MICAL3: variants seen among roughly 807,000 people sequenced by gnomAD.
The protein encoded by MICAL3 is [F-actin]-monooxygenase MICAL3.
MICAL3 carries 62 observed loss-of-function variants against 207.4 expected under a neutral mutation model. The ratio of observed to expected loss-of-function variants is 0.30; its 90% CI spans 0.24 to 0.37. The LOEUF (loss-of-function observed/expected upper bound fraction) is 0.37, where lower values mean the gene tolerates loss of function less well. MICAL3 is among the 10% of genes least tolerant of loss of function. The pLI is 1.00. For missense variants in MICAL3, 2,368 were observed against 2,635.6 expected, an observed-to-expected ratio of 0.90 and a Z score of 2.22; for synonymous variants, 1,077 against 1,069.3, an observed-to-expected ratio of 1.01 and a Z score of -0.14.
At position 17,900,906 on chromosome 22, in the gene MICAL3, T is replaced by C. The variant is rs922574021; in HGVS notation, c.783A>G (p.Glu261=). The part of the protein sequence containing the change: ...NRNTTAEAKV[E]EISGVAFIFN... ...ATATAAAAGCCACACCACTGATCTC[T>C]TCCACTTTAGCTTCTGCTGTTGTAT... is the stretch of plus-strand genomic sequence containing the variant. The change falls in exon 6 of 32, where the codon GAA becomes GAG. Residue 261 remains glutamate (E), a synonymous_variant. Transcript: ENST00000441493. The surrounding 1 kb of genome is among the most constrained non-coding windows in gnomAD (Gnocchi z 4.0). 1.4e-5 allele frequency: 23 copies of C among 1,613,886 alleles called. No individual in the cohort carries two copies. Among genetic ancestry groups the C allele is most frequent in the Non-Finnish European group, 1.9e-5 (23 of 1,179,748 alleles).
At chr22:17,872,848 T>C (rs1379225489) in intron 16 of MICAL3, 2 of 1,592,076 alleles carry the variant, frequency 1.3e-6, no homozygotes, top group South Asian at 1.1e-5. Flanking sequence ...TACATCTTTA[T>C]ATACTTCTAT....
intron 29 of MICAL3, among the ~76,000 whole-genome samples, chr22:17,799,527 G>T (rs1164851993): frequency 6.6e-6 from 1 of 152,236 alleles, no homozygotes; most frequent in Non-Finnish European, 1.5e-5. Flanking sequence ...GACCAAATGT[G>T]TTGCTGACTA....
At chr22:17,813,492 C>T (rs117400614) in intron 27 of MICAL3, 2,684 of 152,312 alleles carry the variant, frequency 0.018, 42 homozygotes, top group Non-Finnish European at 0.026. Context: ...ACTTGTGTCC[C>T]GCCTGCCTCA....
chr22:17,979,820 G>T lies in MICAL3; in HGVS notation c.-75+44461C>A, dbSNP rs570123900. ...AAAAAAAAAACCCACAGGTTTTTTT[G>T]TTGTTGTTTTTGGTTTTTTATAATT... On this transcript the variant is annotated intron_variant, in intron 1 of 31. Coordinates refer to ENST00000441493, the MANE Select transcript of MICAL3 (RefSeq NM_015241.3). 3.3e-5 allele frequency among the ~76,000 whole-genome samples: 5 copies of T among 150,744 alleles called. No homozygotes were observed. The South Asian group carries it at 8.4e-4, about 25-fold the overall frequency.
intron 1 of MICAL3, among the ~76,000 whole-genome samples, chr22:17,943,868 G>C (rs1418953549): frequency 6.6e-6 from 1 of 152,214 alleles, no homozygotes; most frequent in African/African-American, 2.4e-5. Flanking sequence ...GGCAGTGCAG[G>C]TGAGAGATGG....
Position 17,862,516 on chromosome 22 carries a change from T to A in MICAL3, c.2605+2383A>T, listed in dbSNP as rs192638108. On this transcript the variant is annotated intron_variant, in intron 19 of 31. Coordinates refer to ENST00000441493, the MANE Select transcript of MICAL3 (RefSeq NM_015241.3). The stretch of plus-strand genomic sequence containing the variant: ...ACCTCGTGATCTGCCCGCCTCGGCC[T>A]CCCAAAGTGCTGGGATTACAGGCAT... 1.1e-3 allele frequency: 984 copies of A among 903,122 alleles called. 13 individuals carry two copies. The African/African-American group carries it at 0.017, about 15-fold the overall frequency. 55.9% of individuals were successfully genotyped at this position (903,122 alleles called of 1,614,324 possible). A position where few individuals can be genotyped will look rare whatever the true frequency, so the allele number is the denominator to read the frequency against.
rs1602373366 is a variant in MICAL3 at position 17,995,939 on chromosome 22, T to C, written c.-75+28342A>G. On this transcript the variant is annotated intron_variant, in intron 1 of 31. Coordinates refer to ENST00000441493, the MANE Select transcript of MICAL3 (RefSeq NM_015241.3). ...ACTTTGAGAGGCTGAGGCAGGCAAA[T>C]TGTTCGAGCCCAGGAGCTCTAGACC... Among the ~76,000 whole-genome samples, 8 of 151,658 alleles carry C rather than the reference T, an allele frequency of 5.3e-5. No individual in the cohort carries two copies. In the South Asian group the frequency reaches 1.7e-3, roughly 32 times the overall value.
chr22:17,921,602 C>T (rs1485260275), intron 1 of MICAL3, among the ~76,000 whole-genome samples: 1 of 152,160 alleles, frequency 6.6e-6, no homozygotes, highest in Admixed American at 6.5e-5. Flanking sequence ...GATTCTCCTG[C>T]CTCAGCCTCC....
intron 19 of MICAL3, among the ~76,000 whole-genome samples, chr22:17,847,964 C>G (rs1183651496): frequency 6.6e-6 from 1 of 152,118 alleles, no homozygotes; most frequent in Non-Finnish European, 1.5e-5. Flanking sequence ...CACACCCAGC[C>G]CAGCTAACGT....
intron 19 of MICAL3, among the ~76,000 whole-genome samples, chr22:17,853,145 T>C (rs914753449): frequency 1.3e-5 from 2 of 152,074 alleles, no homozygotes; most frequent in African/African-American, 2.4e-5. Flanking sequence ...TTTGTTACTA[T>C]AGTGAAGAGC....
chr22:17,862,570 TTTTCTGAAACTTTTCAAAA>T (rs1412627543), intron 19 of MICAL3: 1 of 985,228 alleles, frequency 1.0e-6, no homozygotes, highest in African/African-American at 1.7e-5. Flanking sequence ...ACACCTGAGC[TTTTCTGAAACTTTTCAAAA>T]GGAAGTCTAG....
At chr22:17,858,951 T>C (rs1926220398) in intron 19 of MICAL3, among the ~76,000 whole-genome samples, 1 of 152,236 alleles carries the variant, frequency 6.6e-6, no homozygotes, top group African/African-American at 2.4e-5. Context: ...TTAGTTAATT[T>C]GTCACTTATT....
Position 17,911,212 on chromosome 22 carries a change from A to T in MICAL3, c.-74-4326T>A, listed in dbSNP as rs114821159. 3.4e-3 allele frequency among the ~76,000 whole-genome samples: 516 copies of T among 152,306 alleles called. 4 individuals carry two copies. The highest frequency in any genetic ancestry group is 0.012 in the African/African-American group (486 of 41,556). On this transcript the variant is annotated intron_variant, in intron 1 of 31. Transcript: ENST00000441493. ...GCAGGACATGGTTATGTTTCTATTT[A>T]TAACAATAGTTGAAGGTTGTCACTG... is the stretch of plus-strand genomic sequence containing the variant.
At position 17,901,922 on chromosome 22, in the gene MICAL3, A is replaced by C. The variant is rs1190841903; in HGVS notation, c.647T>G (p.Phe216Cys). The change falls in exon 5 of 32, where the codon TTT becomes TGT. Residue 216 changes from phenylalanine (F) to cysteine (C), a missense_variant. This residue lies in a region of MICAL3 where 400 missense variants were observed against 547.0 expected (regional missense o/e 0.73). Coordinates refer to ENST00000441493, the MANE Select transcript of MICAL3 (RefSeq NM_015241.3). Reference protein sequence around the residue: ...PKTHPVSEYEFEVIIGGDGRR... With the variant: ...PKTHPVSEYECEVIIGGDGRR... ...ACCATCCCCACCGATGATCACTTCAAATTCATACTCTGACACAGGATGAGT... is the reference window on the plus strand; with the variant it reads ...ACCATCCCCACCGATGATCACTTCACATTCATACTCTGACACAGGATGAGT... The C allele has an allele frequency of 4.3e-6, 7 of 1,613,786 alleles. No individual in the cohort carries two copies. The highest frequency in any genetic ancestry group is 5.9e-6 in the Non-Finnish European group (7 of 1,179,870).
rs1279031230 is a variant in MICAL3 at position 18,024,387 on chromosome 22, C to T, written c.-181G>A. The T allele has an allele frequency of 6.6e-6, 1 of 152,352 alleles. No individual in the cohort carries two copies. Among genetic ancestry groups the T allele is most frequent in the Non-Finnish European group, 1.5e-5 (1 of 68,072 alleles). 9.4% of individuals were successfully genotyped at this position (152,352 alleles called of 1,614,324 possible). On this transcript the variant is annotated 5_prime_UTR_variant, in exon 1 of 32. Transcript: ENST00000441493. ...GGTGCCGCCGTGGCTGCTCGCACAA[C>T]CCCTGCAGCTGCGATCCCGCCCAGT...
rs370506054 is a variant in MICAL3 at position 17,792,754 on chromosome 22, CCT to C, written c.5651-1455_5651-1454del. On this transcript the variant is annotated intron_variant, in intron 29 of 31. Coordinates refer to ENST00000441493, the MANE Select transcript of MICAL3 (RefSeq NM_015241.3). ...TTCTGCTCCCAAGGGGGTTCCTGCC[CCT>C]GAGCCTCCTCTGAAGGACGGAAACC... 1.9e-4 allele frequency among the ~76,000 whole-genome samples: 29 copies of C among 152,346 alleles called. 1 individual carries two copies. The highest frequency in any genetic ancestry group is 8.3e-4 in the South Asian group (4 of 4,828).
chr22:17,813,519 C>T (rs1352183257), intron 27 of MICAL3: 4 of 152,208 alleles, frequency 2.6e-5, no homozygotes, highest in Non-Finnish European at 4.4e-5. Flanking sequence ...CCCACCTCTC[C>T]CACAAATCAG....
intron 1 of MICAL3, among the ~76,000 whole-genome samples, chr22:17,911,502 TTCAG>T (rs1202121475): frequency 6.6e-6 from 1 of 152,012 alleles, no homozygotes; most frequent in African/African-American, 2.4e-5. Context: ...CCCTAGCCCA[TTCAG>T]TCAGAGGTAT....
intron 15 of MICAL3, 69 bp from the exon 16 acceptor site, chr22:17,886,120 G>A (rs1023648089): frequency 1.9e-6 from 3 of 1,551,414 alleles, no homozygotes; most frequent in Admixed American, 1.7e-5. Context: ...CTCCCTCACA[G>A]AAGTGCACTC....
Sources: allele counts gnomAD v4.1 joint callset (sites outside exome capture counted in the v4.1 genomes callset), GRCh38; gene constraint gnomAD v4.1.1; regional missense constraint gnomAD v4.1.1; non-coding constraint Gnocchi (gnomAD v3.1); transcripts MANE v1.5; gene names NCBI Gene and HGNC (gene_info 2026-07-23, HGNC 2026-07-21).